Variants in PI4K2A observed in about 807,000 individuals in gnomAD.
PI4K2A encodes the protein phosphatidylinositol 4-kinase type 2-alpha.
Under a neutral mutation model 55.0 loss-of-function variants are expected in PI4K2A, and 20 were observed. That is an observed-to-expected ratio of 0.36 (90% CI 0.26 to 0.53). The LOEUF (loss-of-function observed/expected upper bound fraction) is 0.53, where lower values mean the gene tolerates loss of function less well. Ranked by LOEUF, PI4K2A falls within the 20% of genes least tolerant of loss-of-function variation. The probability of loss-of-function intolerance (pLI) is 0.91; values close to 1 mark genes in which losing one functional copy is unlikely to be tolerated. For synonymous variants in PI4K2A, 235 were observed against 258.5 expected, an observed-to-expected ratio of 0.91 and a Z score of 0.87; for missense variants, 463 against 637.1, an observed-to-expected ratio of 0.73 and a Z score of 2.94.
chr10:97,649,665 C>A (rs1352318349), intron 1 of PI4K2A, among the ~76,000 whole-genome samples: 1 of 128,418 alleles, frequency 7.8e-6, no homozygotes, highest in Non-Finnish European at 1.6e-5. Context: ...GTCTTGTCAC[C>A]CAGGCTGGAG....
intron 4 of PI4K2A, among the ~76,000 whole-genome samples, chr10:97,659,144 C>A (rs1423978453): frequency 6.6e-6 from 1 of 152,198 alleles, no homozygotes; most frequent in Non-Finnish European, 1.5e-5. Context: ...AAGTGATCTT[C>A]CTACCTCTGC....
At chr10:97,673,488 G>T (rs2041646330) in intron 8 of PI4K2A, 93 bp from the exon 9 acceptor site, 5 of 965,830 alleles carry the variant, frequency 5.2e-6, no homozygotes, top group African/African-American at 4.9e-5. Flanking sequence ...TTAAAAAATT[G>T]ATTTGTAGGC....
At chr10:97,650,797 C>A in intron 1 of PI4K2A, 144 bp from the exon 2 acceptor site, 1 of 634,474 alleles carries the variant, frequency 1.6e-6, no homozygotes, top group Non-Finnish European at 2.8e-6. Flanking sequence ...TTCCCCTTAC[C>A]AACTGGGAGA....
chr10:97,673,941 T>C (rs2041648415), exon 9 of PI4K2A: 1 of 559,600 alleles, frequency 1.8e-6, no homozygotes. Flanking sequence ...GCCCTTCTGA[T>C]GTGGGGGAGG....
chr10:97,643,565 A>T (rs889148612), intron 1 of PI4K2A, among the ~76,000 whole-genome samples: 4 of 152,108 alleles, frequency 2.6e-5, no homozygotes, highest in Non-Finnish European at 5.9e-5. Context: ...TTACTTGGTG[A>T]TTTAGGGATT....
At chr10:97,650,000 A>G (rs1029172652) in intron 1 of PI4K2A, among the ~76,000 whole-genome samples, 1 of 152,180 alleles carries the variant, frequency 6.6e-6, no homozygotes, top group Non-Finnish European at 1.5e-5. Context: ...AACAGTGTGC[A>G]TAATGTAACT....
At position 97,650,932 on chromosome 10, in the gene PI4K2A, T is replaced by A; in HGVS notation, c.436-9T>A. 6.2e-7 allele frequency: 1 copy of A among 1,602,638 alleles called. No homozygotes were observed. The highest frequency in any genetic ancestry group is 1.1e-5 in the South Asian group (1 of 90,674). On this transcript the variant is annotated splice_polypyrimidine_tract_variant and intron_variant, in intron 1 of 8. Coordinates refer to ENST00000370631, the Ensembl canonical transcript of PI4K2A. The stretch of plus-strand genomic sequence containing the variant: ...GATTTAACATCCTCTTTTTCTTTGG[T>A]CTCTGTAGAGGATCATTGCTGTCTT...
At chr10:97,665,987 T>G (rs2041608047) in intron 6 of PI4K2A, among the ~76,000 whole-genome samples, 1 of 152,226 alleles carries the variant, frequency 6.6e-6, no homozygotes, top group Non-Finnish European at 1.5e-5. Context: ...CTTTCCATAA[T>G]TTATTCTAAT....
chr10:97,657,309 A>T (rs573333829), intron 4 of PI4K2A, among the ~76,000 whole-genome samples: 64 of 152,098 alleles, frequency 4.2e-4, no homozygotes, highest in Middle Eastern at 3.4e-3. Context: ...TTTAAAAAAA[A>T]TTTTTTTTCA....
intron 7 of PI4K2A, 60 bp downstream of exon 7, chr10:97,666,631 T>C (rs772092541): frequency 6.0e-5 from 87 of 1,458,772 alleles, no homozygotes; most frequent in Non-Finnish European, 7.8e-5. Context: ...TAATGGTTTT[T>C]TTAATTGGTC....
At chr10:97,671,628 CTTTT>C (rs2041635652) in intron 8 of PI4K2A, among the ~76,000 whole-genome samples, 1 of 152,026 alleles carries the variant, frequency 6.6e-6, no homozygotes, top group East Asian at 1.9e-4. Flanking sequence ...TGGCTTTTTA[CTTTT>C]TGTTTGTTTG....
intron 1 of PI4K2A, among the ~76,000 whole-genome samples, chr10:97,642,806 T>TTCCTTC (rs2041477684): frequency 4.7e-5 from 5 of 105,304 alleles, no homozygotes; most frequent in Admixed American, 1.0e-4. Context: ...GCTTTCTCTT[T>TTCCTTC]CTTCCTTCCT....
Position 97,656,905 on chromosome 10 carries a change from A to G in PI4K2A, c.853A>G (p.Asn285Asp), listed in dbSNP as rs1270656415. The G allele has an allele frequency of 1.2e-6, 2 of 1,614,068 alleles. No homozygotes were observed. The highest frequency in any genetic ancestry group is 3.3e-5 in the Admixed American group (2 of 60,008). The change falls in exon 4 of 9, where the codon AAC becomes GAC. Residue 285 changes from asparagine (N) to aspartate (D), a missense_variant. Physicochemically the swap from Asn to Asp is conservative, Grantham distance 23 (BLOSUM62 1). Around this residue, in one of 2 missense-constraint regions of PI4K2A, gnomAD observed 277 missense variants for 432.6 expected, o/e 0.64. Coordinates refer to ENST00000370631, the Ensembl canonical transcript of PI4K2A. The surrounding 1 kb of genome is among the most constrained non-coding windows in gnomAD (Gnocchi z 4.5). ...TTTTGAAGCAGAACCTCTTCCTGAG[A>G]ACACTAACCGGCAACTACTGCTCCA... is the stretch of plus-strand genomic sequence containing the variant.
At chr10:97,674,006 C>A in exon 9 of PI4K2A, 1 of 429,378 alleles carries the variant, frequency 2.3e-6, no homozygotes, top group Non-Finnish European at 4.2e-6. Flanking sequence ...TCCCTTCCAG[C>A]ATCTGCTGGT....
exon 9 of PI4K2A, chr10:97,673,962 A>T (rs886313048): frequency 5.7e-5 from 30 of 529,044 alleles, no homozygotes; most frequent in Non-Finnish European, 8.8e-5. Flanking sequence ...CTGGAGCTCC[A>T]TGCACGTAGT....
At chr10:97,665,304 C>T (rs1458200847) in intron 6 of PI4K2A, among the ~76,000 whole-genome samples, 6 of 151,244 alleles carry the variant, frequency 4.0e-5, no homozygotes, top group East Asian at 1.9e-4. Context: ...AATGGAGTTT[C>T]GCTCTTGTTG....
chr10:97,652,724 C>T (rs1370844361), intron 2 of PI4K2A, among the ~76,000 whole-genome samples: 1 of 152,178 alleles, frequency 6.6e-6, no homozygotes, highest in Non-Finnish European at 1.5e-5. Context: ...CATGTCTGCT[C>T]CTTTGCTACT....
At chr10:97,650,202 A>T (rs1348656842) in intron 1 of PI4K2A, among the ~76,000 whole-genome samples, 1 of 149,598 alleles carries the variant, frequency 6.7e-6, no homozygotes, top group Non-Finnish European at 1.5e-5. Flanking sequence ...ATCTTTCTGG[A>T]GGGCAGGAAG....
At chr10:97,643,199 T>G (rs1178206338) in intron 1 of PI4K2A, among the ~76,000 whole-genome samples, 1 of 151,882 alleles carries the variant, frequency 6.6e-6, no homozygotes. Context: ...TTGCCCTGGT[T>G]GGTCTCAGAC....
Sources: gnomAD v4.1 joint callset for allele counts (sites outside exome capture counted in the v4.1 genomes callset) on GRCh38, gnomAD v4.1.1 for gene constraint, gnomAD v4.1.1 regional missense constraint, Gnocchi (gnomAD v3.1) non-coding constraint, MANE v1.5 for transcripts, NCBI Gene and HGNC (gene_info 2026-07-23, HGNC 2026-07-21) for gene names.